ROBO1: variants seen among roughly 807,000 people sequenced by gnomAD.
ROBO1 encodes roundabout guidance receptor 1, also known as roundabout homolog 1.
Under a neutral mutation model 195.9 loss-of-function variants are expected in ROBO1, and 149 were observed. The ratio of observed to expected loss-of-function variants is 0.76; its 90% confidence interval spans 0.67 to 0.87. The LOEUF (loss-of-function observed/expected upper bound fraction) is 0.87. Among genes scored for constraint, ROBO1 ranks in the 40% least tolerant of loss-of-function variants. ROBO1 has a pLI of 0.00. For missense variants in ROBO1, 1,933 were observed against 2,068.3 expected (o/e 0.93, Z 1.27); for synonymous variants, 816 against 733.2 (o/e 1.11, Z -1.82).
intron 3 of ROBO1, among the ~76,000 whole-genome samples, chr3:79,023,663 T>C (rs995355677): frequency 3.6e-5 from 5 of 139,070 alleles, no homozygotes; most frequent in Non-Finnish European, 7.7e-5. Context: ...GCACTGTAAA[T>C]AGGGCCAATT....
intron 2 of ROBO1, among the ~76,000 whole-genome samples, chr3:79,407,038 C>T (rs562635172): frequency 6.6e-6 from 1 of 152,222 alleles, no homozygotes; most frequent in South Asian, 2.1e-4. Flanking sequence ...TCTGCCTCAG[C>T]CTCCCAAGTA....
intron 1 of ROBO1, among the ~76,000 whole-genome samples, chr3:79,762,266 G>A (rs531166458): frequency 1.2e-4 from 19 of 152,164 alleles, no homozygotes; most frequent in African/African-American, 4.1e-4. Flanking sequence ...AGGGGCAAGA[G>A]AGCTTACTCA....
intron 4 of ROBO1, among the ~76,000 whole-genome samples, chr3:78,929,819 T>C (rs2039413495): frequency 6.6e-6 from 1 of 152,040 alleles, no homozygotes; most frequent in Admixed American, 6.6e-5. Flanking sequence ...AACAACTTCC[T>C]TATCAGTTAG....
chr3:79,512,511 T>C (rs1314484003), intron 2 of ROBO1, among the ~76,000 whole-genome samples: 1 of 152,188 alleles, frequency 6.6e-6, no homozygotes, highest in Admixed American at 6.6e-5. Context: ...CTGCTAGAAT[T>C]CTTTATGCTA....
chr3:79,428,394 G>A (rs2038537534), intron 2 of ROBO1, among the ~76,000 whole-genome samples: 1 of 151,942 alleles, frequency 6.6e-6, no homozygotes, highest in Admixed American at 6.6e-5. Flanking sequence ...AAAATATGTT[G>A]AGTGCTTAGC....
chr3:78,898,621 C>A (rs1387005502), intron 4 of ROBO1, among the ~76,000 whole-genome samples: 2 of 151,468 alleles, frequency 1.3e-5, no homozygotes, highest in East Asian at 1.9e-4. Context: ...GATCTCCTGA[C>A]CTCGTGATCT....
intron 3 of ROBO1, among the ~76,000 whole-genome samples, chr3:79,104,217 T>G (rs2108516394): frequency 6.6e-6 from 1 of 151,956 alleles, no homozygotes; most frequent in South Asian, 2.1e-4. Context: ...CAAGGAGTCA[T>G]GAACGCTTTC....
At chr3:79,515,459 A>C (rs981853356) in intron 2 of ROBO1, among the ~76,000 whole-genome samples, 1 of 152,174 alleles carries the variant, frequency 6.6e-6, no homozygotes, top group African/African-American at 2.4e-5. Context: ...TAAAGATGCA[A>C]ATTTCCTCTC....
chr3:79,064,053 A>AAAG (rs1267509243), intron 3 of ROBO1, among the ~76,000 whole-genome samples: 1 of 151,894 alleles, frequency 6.6e-6, no homozygotes, highest in East Asian at 2.0e-4. Context: ...AGCTAATAAT[A>AAAG]AAGTATTGCA....
At position 79,330,572 on chromosome 3, in the gene ROBO1, G is replaced by A. The variant is rs545515144; in HGVS notation, c.89-205033C>T. ...ACACAGAACTGCTTTTTTTCACCCT[G>A]TCTATGGCTACTTTCATCCTGTAAC... On this transcript the variant is annotated intron_variant, in intron 2 of 30. Transcript: ENST00000464233. Among the ~76,000 whole-genome samples, 5 of 144,850 alleles carry A rather than the reference G, an allele frequency of 3.5e-5. No individual in the cohort carries two copies. The South Asian group carries it at 6.5e-4, about 19-fold the overall frequency.
At chr3:78,950,701 A>C (rs1425635114) in intron 3 of ROBO1, among the ~76,000 whole-genome samples, 4 of 150,570 alleles carry the variant, frequency 2.7e-5, no homozygotes, top group African/African-American at 7.4e-5. Context: ...AAAAAAAAAA[A>C]CAAAACATCA....
chr3:79,552,255 T>A, intron 2 of ROBO1, among the ~76,000 whole-genome samples: 1 of 152,066 alleles, frequency 6.6e-6, no homozygotes, highest in East Asian at 1.9e-4. Flanking sequence ...ATATTCATTC[T>A]GAATATTAAC....
chr3:78,988,297 G>A (rs1360000991), intron 3 of ROBO1, among the ~76,000 whole-genome samples: 9 of 152,120 alleles, frequency 5.9e-5, no homozygotes, highest in Admixed American at 5.9e-4. Flanking sequence ...ACTGAGAAAT[G>A]TGTTTATCTC....
intron 2 of ROBO1, among the ~76,000 whole-genome samples, chr3:79,309,758 C>T (rs1244273218): frequency 6.6e-6 from 1 of 152,110 alleles, no homozygotes; most frequent in Non-Finnish European, 1.5e-5. Context: ...GTGTATTAGA[C>T]AGCAATTTAA....
intron 3 of ROBO1, among the ~76,000 whole-genome samples, chr3:79,074,992 A>C (rs907560681): frequency 6.6e-6 from 1 of 151,924 alleles, no homozygotes; most frequent in Non-Finnish European, 1.5e-5. Flanking sequence ...TTTCTCCTTC[A>C]AGCACAAGAT....
chr3:78,928,629 A>T (rs2039341762), intron 4 of ROBO1, among the ~76,000 whole-genome samples: 1 of 152,180 alleles, frequency 6.6e-6, no homozygotes, highest in Admixed American at 6.5e-5. Flanking sequence ...CTCTTTCATC[A>T]GTTATTGACT....
chr3:79,075,524 G>T (rs1256258678), intron 3 of ROBO1, among the ~76,000 whole-genome samples: 1 of 151,946 alleles, frequency 6.6e-6, no homozygotes, highest in South Asian at 2.1e-4. Context: ...AAGTAATGGT[G>T]TTTAGAGTAG....
chr3:79,564,596 C>T (rs1375772277), intron 2 of ROBO1, among the ~76,000 whole-genome samples: 5 of 151,912 alleles, frequency 3.3e-5, no homozygotes, highest in South Asian at 2.1e-4. Context: ...ATTATAAATG[C>T]TGTATTATAA....
At chr3:79,737,500 T>C (rs895384232) in intron 1 of ROBO1, among the ~76,000 whole-genome samples, 9 of 152,304 alleles carry the variant, frequency 5.9e-5, no homozygotes, top group East Asian at 1.9e-4. Context: ...GCTGTAGTAA[T>C]TGGAACACAG....
Sources: gnomAD v4.1 joint callset for allele counts (sites outside exome capture counted in the v4.1 genomes callset) on GRCh38, gnomAD v4.1.1 for gene constraint, MANE v1.5 for transcripts, NCBI Gene and HGNC (gene_info 2026-07-23, HGNC 2026-07-21) for gene names.